CPQ: variants seen among roughly 807,000 people sequenced by gnomAD.
CPQ encodes the protein carboxypeptidase Q, also known as Ser-Met dipeptidase.
Under a neutral mutation model 45.7 loss-of-function variants are expected in CPQ, and 37 were observed. That is an observed-to-expected ratio of 0.81 (90% CI 0.62 to 1.07). The LOEUF (loss-of-function observed/expected upper bound fraction) is 1.07, where lower values mean the gene tolerates loss of function less well. CPQ is among the 50% of genes least tolerant of loss of function. The probability of loss-of-function intolerance (pLI) is 0.00; values close to 1 mark genes in which losing one functional copy is unlikely to be tolerated. For synonymous variants in CPQ, 186 were observed against 205.8 expected (o/e 0.90, Z 0.82); for missense variants, 537 against 572.9 (o/e 0.94, Z 0.64).
At chr8:96,986,675 A>C (rs1211517509) in intron 5 of CPQ, among the ~76,000 whole-genome samples, 1 of 152,222 alleles carries the variant, frequency 6.6e-6, no homozygotes, top group Non-Finnish European at 1.5e-5. Context: ...AGGGTGAATC[A>C]GGAAGCCATC....
intron 5 of CPQ, among the ~76,000 whole-genome samples, chr8:96,987,697 A>G (rs1809015705): frequency 6.6e-6 from 1 of 152,218 alleles, no homozygotes; most frequent in South Asian, 2.1e-4. Context: ...CTTAAACATC[A>G]CATTACTGAT....
rs115651378 is a variant in CPQ at position 97,071,088 on chromosome 8, A to G, written c.1255+4878A>G. 5.0e-3 allele frequency among the ~76,000 whole-genome samples: 758 copies of G among 152,314 alleles called. 6 individuals carry two copies. Among genetic ancestry groups the G allele is most frequent in the African/African-American group, 0.017 (711 of 41,574 alleles). On this transcript the variant is annotated intron_variant, in intron 7 of 7. Coordinates refer to ENST00000220763, the MANE Select transcript of CPQ (RefSeq NM_016134.4). Reference sequence around the variant, plus strand: ...GAAGAGTTTACTCCTCTGCTTCAGAATCTGAAATTCAACTTTTTGTTGTTG... The same window carrying G: ...GAAGAGTTTACTCCTCTGCTTCAGAGTCTGAAATTCAACTTTTTGTTGTTG...
intron 1 of CPQ, among the ~76,000 whole-genome samples, chr8:96,745,851 G>A (rs1308430351): frequency 1.3e-5 from 2 of 152,238 alleles, no homozygotes; most frequent in Non-Finnish European, 2.9e-5. Flanking sequence ...CAGAGGTAAT[G>A]TGGTCATGTG....
intron 1 of CPQ, among the ~76,000 whole-genome samples, chr8:96,773,562 A>G (rs1810572069): frequency 6.6e-6 from 1 of 152,214 alleles, no homozygotes; most frequent in African/African-American, 2.4e-5. Flanking sequence ...ACTGTTAAAC[A>G]GCCTGGTGGG....
chr8:96,733,126 G>A (rs1376743267), intron 1 of CPQ, among the ~76,000 whole-genome samples: 2 of 152,134 alleles, frequency 1.3e-5, no homozygotes, highest in East Asian at 1.9e-4. Context: ...GGGCAGAGTG[G>A]TGTATAGAGT....
At chr8:96,665,849 T>C (rs955922297) in intron 1 of CPQ, among the ~76,000 whole-genome samples, 1 of 152,224 alleles carries the variant, frequency 6.6e-6, no homozygotes, top group African/African-American at 2.4e-5. Context: ...GAAATAACTT[T>C]TATTTGCAAC....
chr8:96,895,509 T>C (rs1396685126), intron 4 of CPQ, among the ~76,000 whole-genome samples: 1 of 152,214 alleles, frequency 6.6e-6, no homozygotes, highest in African/African-American at 2.4e-5. Flanking sequence ...TGATTATACA[T>C]GAATCTTTCA....
intron 3 of CPQ, 22 bp from the exon 4 acceptor site, chr8:96,879,776 C>T (rs1317934962): frequency 6.2e-7 from 1 of 1,601,794 alleles, no homozygotes; most frequent in Non-Finnish European, 8.6e-7. Context: ...TTCAAGGTAA[C>T]CTGGTGGCTT....
chr8:96,795,708 A>G (rs1206017164), intron 2 of CPQ, among the ~76,000 whole-genome samples: 2 of 151,860 alleles, frequency 1.3e-5, no homozygotes. Context: ...AAACTAGATT[A>G]TTTTCTTATT....
At chr8:96,782,750 T>C (rs912665947) in intron 1 of CPQ, among the ~76,000 whole-genome samples, 5 of 152,188 alleles carry the variant, frequency 3.3e-5, no homozygotes, top group African/African-American at 1.2e-4. Context: ...CATTCTATTA[T>C]ATACATTTAA....
intron 1 of CPQ, among the ~76,000 whole-genome samples, chr8:96,699,273 A>G (rs1020397544): frequency 2.0e-5 from 3 of 152,150 alleles, no homozygotes; most frequent in African/African-American, 7.2e-5. Flanking sequence ...GTGGGAGTTA[A>G]AAAGTAAGAC....
At chr8:96,732,470 A>G (rs933725218) in intron 1 of CPQ, 18 of 151,992 alleles carry the variant, frequency 1.2e-4, no homozygotes, top group Non-Finnish European at 1.5e-5. Context: ...ATTTTTTTGT[A>G]ATTATCTTAT....
intron 1 of CPQ, among the ~76,000 whole-genome samples, chr8:96,651,235 C>T (rs772079754): frequency 7.9e-5 from 12 of 152,182 alleles, no homozygotes; most frequent in Non-Finnish European, 1.5e-4. Context: ...GAGAGAGAAG[C>T]CCAGCACTGG....
intron 7 of CPQ, among the ~76,000 whole-genome samples, chr8:97,117,046 T>A (rs1811606891): frequency 6.6e-6 from 1 of 152,236 alleles, no homozygotes; most frequent in African/African-American, 2.4e-5. Context: ...TTTGTTTACG[T>A]GTGTTTCAGG....
At chr8:96,934,604 C>T (rs1254345284) in intron 4 of CPQ, among the ~76,000 whole-genome samples, 1 of 152,106 alleles carries the variant, frequency 6.6e-6, no homozygotes, top group African/African-American at 2.4e-5. Flanking sequence ...TCTGTGCGAC[C>T]ATTCATCTTA....
intron 6 of CPQ, among the ~76,000 whole-genome samples, chr8:97,050,882 C>A (rs1810349181): frequency 2.0e-5 from 3 of 152,140 alleles, no homozygotes. Flanking sequence ...TTGGTAATAA[C>A]AATGCCTCGA....
chr8:97,005,838 G>A (rs1028503848), intron 5 of CPQ, among the ~76,000 whole-genome samples: 3 of 152,068 alleles, frequency 2.0e-5, no homozygotes, highest in Admixed American at 6.6e-5. Context: ...GTTTGTAGTC[G>A]TTCAAGGCTA....
chr8:96,665,975 G>T (rs1563696095), intron 1 of CPQ, among the ~76,000 whole-genome samples: 2 of 152,122 alleles, frequency 1.3e-5, no homozygotes, highest in Non-Finnish European at 1.5e-5. Context: ...TATGATATGG[G>T]GGCACACAAT....
chr8:97,034,215 G>T (rs992873867), intron 6 of CPQ, among the ~76,000 whole-genome samples: 4 of 152,168 alleles, frequency 2.6e-5, no homozygotes, highest in Non-Finnish European at 5.9e-5. Context: ...AAGCATTTTA[G>T]TAGCAGTTAC....
Sources: gnomAD v4.1 joint callset for allele counts (sites outside exome capture counted in the v4.1 genomes callset) on GRCh38, gnomAD v4.1.1 for gene constraint, MANE v1.5 for transcripts, NCBI Gene and HGNC (gene_info 2026-07-23, HGNC 2026-07-21) for gene names.